SLC24A3: variants seen among roughly 807,000 people sequenced by gnomAD.
The protein encoded by SLC24A3 is sodium/potassium/calcium exchanger 3.
A neutral mutation model predicts 75.8 loss-of-function variants in SLC24A3; 28 were observed. That is an observed-to-expected ratio of 0.37 (90% CI 0.27 to 0.51). SLC24A3 has a LOEUF of 0.51. Among genes scored for constraint, SLC24A3 ranks in the 20% least tolerant of loss-of-function variants. The probability of loss-of-function intolerance (pLI) is 0.94; values close to 1 mark genes in which losing one functional copy is unlikely to be tolerated. For synonymous variants in SLC24A3, 372 were observed against 334.1 expected (o/e 1.11, Z -1.24); for missense variants, 663 against 847.8 (o/e 0.78, Z 2.71).
At chr20:19,235,627 C>CT (rs2038275533) in intron 1 of SLC24A3, among the ~76,000 whole-genome samples, 1 of 152,190 alleles carries the variant, frequency 6.6e-6, no homozygotes, top group Non-Finnish European at 1.5e-5. Context: ...ATCTTGACAC[C>CT]TTGTACTTGC....
chr20:19,643,740 A>C (rs959241575), intron 6 of SLC24A3, among the ~76,000 whole-genome samples: 3 of 152,184 alleles, frequency 2.0e-5, no homozygotes, highest in Non-Finnish European at 4.4e-5. Flanking sequence ...ATTCACTTCC[A>C]TTTTTGTCAG....
chr20:19,484,139 C>G lies in SLC24A3; in HGVS notation c.272-31349C>G, dbSNP rs1212249204. Among the ~76,000 whole-genome samples, 3 of 152,054 alleles carry G rather than the reference C, an allele frequency of 2.0e-5. No individual in the cohort carries two copies. In the East Asian group the frequency reaches 5.8e-4, roughly 29 times the overall value. ...GTGGTAAGGGTTGAGTATCCCTTTT[C>G]CCAAATACTTAGGACCAGAAGTATT... On this transcript the variant is annotated intron_variant, in intron 2 of 16. Coordinates refer to ENST00000328041, the MANE Select transcript of SLC24A3 (RefSeq NM_020689.4).
At chr20:19,302,785 T>C (rs1267122095) in intron 2 of SLC24A3, among the ~76,000 whole-genome samples, 1 of 152,258 alleles carries the variant, frequency 6.6e-6, no homozygotes, top group African/African-American at 2.4e-5. Context: ...TTCATTTAAC[T>C]GCTGTCTAGT....
chr20:19,257,091 A>G (rs1329787457), intron 1 of SLC24A3, among the ~76,000 whole-genome samples: 2 of 152,188 alleles, frequency 1.3e-5, no homozygotes, highest in Non-Finnish European at 2.9e-5. Flanking sequence ...CTCATCTGGT[A>G]TCATGGCTAT....
chr20:19,498,030 A>G lies in SLC24A3; in HGVS notation c.272-17458A>G, dbSNP rs544962513. On this transcript the variant is annotated intron_variant, in intron 2 of 16. Transcript: ENST00000328041. ...ATACCTGAGCTCCACCTCCTGTCAG[A>G]TCAGTGGTGGCATTAGATTCTCGTA... 1.6e-4 allele frequency among the ~76,000 whole-genome samples: 24 copies of G among 152,184 alleles called. No homozygotes were observed. The East Asian group carries it at 4.5e-3, about 28-fold the overall frequency.
At chr20:19,256,265 A>C (rs944007841) in intron 1 of SLC24A3, among the ~76,000 whole-genome samples, 1 of 152,132 alleles carries the variant, frequency 6.6e-6, no homozygotes. Context: ...CATTCATATG[A>C]TGTGTTCAGA....
At chr20:19,571,771 A>G (rs988548676) in intron 3 of SLC24A3, among the ~76,000 whole-genome samples, 2 of 152,194 alleles carry the variant, frequency 1.3e-5, no homozygotes, top group Non-Finnish European at 2.9e-5. Context: ...CCCAATGCCA[A>G]ATGACTAAAT....
In SLC24A3 at chr20:19,562,933, A is replaced by T. The variant is rs2030897998; in HGVS notation, c.349-17067A>T. On this transcript the variant is annotated intron_variant, in intron 3 of 16. Coordinates refer to ENST00000328041, the MANE Select transcript of SLC24A3 (RefSeq NM_020689.4). ...AGAGGCAGTTAAAGAAATGGTCCCA[A>T]CCTGGGAATCTTACTATGGCTTTCA... Among the ~76,000 whole-genome samples, 3 of 152,160 alleles carry T rather than the reference A, an allele frequency of 2.0e-5. No individual in the cohort carries two copies. The South Asian group carries it at 6.2e-4, about 31-fold the overall frequency.
At chr20:19,504,783 T>TA (rs1211804681) in intron 2 of SLC24A3, among the ~76,000 whole-genome samples, 1 of 152,260 alleles carries the variant, frequency 6.6e-6, no homozygotes, top group East Asian at 1.9e-4. Context: ...ACAGGGAATT[T>TA]ACCATAAATA....
At chr20:19,412,916 A>G (rs1366316042) in intron 2 of SLC24A3, among the ~76,000 whole-genome samples, 5 of 152,154 alleles carry the variant, frequency 3.3e-5, no homozygotes, top group Non-Finnish European at 7.4e-5. Flanking sequence ...ACACATCACA[A>G]TGTTTTTGGG....
At chr20:19,675,109 G>A (rs1161483910) in intron 9 of SLC24A3, among the ~76,000 whole-genome samples, 1 of 152,180 alleles carries the variant, frequency 6.6e-6, no homozygotes, top group Admixed American at 6.5e-5. Context: ...TAAGTTAAAT[G>A]TAAGCACCAT....
chr20:19,340,028 T>A (rs1029137701), intron 2 of SLC24A3, among the ~76,000 whole-genome samples: 6 of 152,070 alleles, frequency 3.9e-5, no homozygotes, highest in African/African-American at 1.4e-4. Context: ...ATCCAAGGGG[T>A]GGGCTCAGGT....
intron 2 of SLC24A3, among the ~76,000 whole-genome samples, chr20:19,370,207 C>T (rs1985967964): frequency 6.6e-6 from 1 of 152,252 alleles, no homozygotes; most frequent in Non-Finnish European, 1.5e-5. Context: ...CCAGAGTATC[C>T]CTGATCTAAG....
chr20:19,346,245 TGTATATATATATGGTATATATATATG>T (rs1269309365), intron 2 of SLC24A3, among the ~76,000 whole-genome samples: 3 of 103,542 alleles, frequency 2.9e-5, no homozygotes, highest in African/African-American at 1.6e-4. Flanking sequence ...ATATATATGG[TGTATATATATATGGTATATATATATG>T]GTGTATATAT....
chr20:19,395,838 T>C (rs1462244466), intron 2 of SLC24A3, among the ~76,000 whole-genome samples: 3 of 152,160 alleles, frequency 2.0e-5, no homozygotes, highest in Non-Finnish European at 4.4e-5. Context: ...GAAGAGTTCA[T>C]GCCTGTGTTT....
intron 16 of SLC24A3, among the ~76,000 whole-genome samples, chr20:19,718,790 G>A (rs1382060727): frequency 3.3e-5 from 5 of 152,180 alleles, no homozygotes; most frequent in South Asian, 2.1e-4. Flanking sequence ...TCCAAAGGAA[G>A]AGGTCAAGAA....
chr20:19,653,362 A>C (rs2032229039), intron 6 of SLC24A3, among the ~76,000 whole-genome samples: 1 of 152,222 alleles, frequency 6.6e-6, no homozygotes, highest in Non-Finnish European at 1.5e-5. Flanking sequence ...AATGCCAAGA[A>C]CATTTTCCCC....
intron 16 of SLC24A3, 152 bp downstream of exon 16, chr20:19,717,745 T>C: frequency 1.3e-6 from 1 of 785,626 alleles, no homozygotes. Context: ...AAGTGAGTCC[T>C]AGCAACCCAC....
chr20:19,508,194 T>C (rs1303834711), intron 2 of SLC24A3, among the ~76,000 whole-genome samples: 1 of 152,162 alleles, frequency 6.6e-6, no homozygotes, highest in East Asian at 1.9e-4. Context: ...CTAAGACAGA[T>C]GAAAGCACGT....
Sources: allele counts gnomAD v4.1 joint callset (sites outside exome capture counted in the v4.1 genomes callset), GRCh38; gene constraint gnomAD v4.1.1; transcripts MANE v1.5; gene names NCBI Gene and HGNC (gene_info 2026-07-23, HGNC 2026-07-21).